TRIM50: variants seen among roughly 807,000 people sequenced by gnomAD.
TRIM50 encodes the protein tripartite motif containing 50, also known as E3 ubiquitin-protein ligase TRIM50.
A neutral mutation model predicts 44.9 loss-of-function variants in TRIM50; 34 were observed. The observed-to-expected ratio is 0.76, with a 90% CI of 0.58 to 1.01. The LOEUF (loss-of-function observed/expected upper bound fraction) is 1.01. Among genes scored for constraint, TRIM50 ranks in the 50% least tolerant of loss-of-function variants. The pLI is 0.00. For synonymous variants in TRIM50, 307 were observed against 291.1 expected, an observed-to-expected ratio of 1.05 and a Z score of -0.56; for missense variants, 633 against 663.7, an observed-to-expected ratio of 0.95 and a Z score of 0.51.
chr7:73,316,025 C>T (rs1173657553), intron 6 of TRIM50, among the ~76,000 whole-genome samples: 5 of 151,918 alleles, frequency 3.3e-5, no homozygotes, highest in Admixed American at 1.3e-4. Flanking sequence ...GGATTACAGG[C>T]GCACACTACC....
At chr7:73,319,193 C>T (rs1158105359) in intron 3 of TRIM50, 141 bp from the exon 4 acceptor site, 10 of 1,429,434 alleles carry the variant, frequency 7.0e-6, no homozygotes, top group East Asian at 5.0e-5. Flanking sequence ...GGCCTGGCGC[C>T]GGGCAGGGAG....
Position 73,324,531 on chromosome 7 carries a change from G to T in TRIM50, c.257C>A (p.Pro86His), listed in dbSNP as rs111638818. 3 of 1,613,914 alleles carry T rather than the reference G, an allele frequency of 1.9e-6. No homozygotes were observed. The highest frequency in any genetic ancestry group is 1.7e-6 in the Non-Finnish European group (2 of 1,179,994). ...GTTCCGGTGGTGCACGCAGACCTTG[G>T]GCTCCGGGTCCCCAGGGAGCCTCAG... ...EALRLPGDPE[P>H]KVCVHHRNPL... The change falls in exon 2 of 7, where the codon CCC becomes CAC. Residue 86 changes from proline to histidine, a missense_variant. Coordinates refer to ENST00000333149, the MANE Select transcript of TRIM50 (RefSeq NM_178125.3).
intron 1 of TRIM50, among the ~76,000 whole-genome samples, chr7:73,327,082 C>A (rs1322830607): frequency 6.6e-6 from 1 of 152,128 alleles, no homozygotes; most frequent in Admixed American, 6.6e-5. Context: ...TGAGCCACCG[C>A]GCCTGTCCTG....
chr7:73,321,081 C>A (rs1804484508), intron 2 of TRIM50, among the ~76,000 whole-genome samples: 2 of 151,846 alleles, frequency 1.3e-5, no homozygotes, highest in African/African-American at 4.8e-5. Flanking sequence ...CCTGTAATCC[C>A]AGCATTTTAG....
intron 2 of TRIM50, among the ~76,000 whole-genome samples, chr7:73,321,606 G>C (rs1301713922): frequency 6.6e-6 from 1 of 152,114 alleles, no homozygotes; most frequent in Non-Finnish European, 1.5e-5. Context: ...CCTAGCCTTG[G>C]GGGTGCCAAC....
chr7:73,323,727 C>G (rs1434406493), intron 2 of TRIM50, among the ~76,000 whole-genome samples: 1 of 152,146 alleles, frequency 6.6e-6, no homozygotes, highest in African/African-American at 2.4e-5. Context: ...CCATAGAGTG[C>G]AAACAGGGGA....
rs185340396 is a variant in TRIM50 at position 73,313,428 on chromosome 7, C to A, written c.957G>T (p.Gly319=). ...LSKGNTVVQC[G]LLAQRRASQP... The stretch of plus-strand genomic sequence containing the variant: ...GGCTGGCTCGCCGCTGGGCCAGAAG[C>A]CCGCACTGCACCACCGTGTTGCCCT... The change falls in exon 7 of 7, where the codon GGG becomes GGT. Residue 319 remains glycine, a synonymous_variant. Transcript: ENST00000333149. The surrounding 1 kb of genome is among the most constrained non-coding windows in gnomAD (Gnocchi z 4.9). The A allele has an allele frequency of 1.2e-4, 182 of 1,565,598 alleles. No homozygotes were observed. The African/African-American group carries it at 2.2e-3, about 19-fold the overall frequency.
At position 73,324,676 on chromosome 7, in the gene TRIM50, C is replaced by G. The variant is rs868911917; in HGVS notation, c.112G>C (p.Gly38Arg). The G allele has an allele frequency of 6.2e-7, 1 of 1,614,172 alleles. No individual in the cohort carries two copies. The highest frequency in any genetic ancestry group is 8.5e-7 in the Non-Finnish European group (1 of 1,180,016). ...TGGCAGGACAGGGAAACCAGGCAGC[C>G]CTTGCAGTAAGAGTGGCCACACTGC... is the stretch of plus-strand genomic sequence containing the variant. ...MLQCGHSYCK[G>R]CLVSLSCHLD... The change falls in exon 2 of 7, where the codon GGC becomes CGC. Residue 38 changes from glycine (G) to arginine (R), a missense_variant. Physicochemically the swap from Gly to Arg is moderately radical, Grantham distance 125 (BLOSUM62 -2). Coordinates refer to ENST00000333149, the MANE Select transcript of TRIM50 (RefSeq NM_178125.3).
rs1804576350 is a variant in TRIM50, at chr7:73,324,597, C to T, written c.191G>A (p.Ser64Asn). ...GGCCAGGGAGACGTTGGGCAGGGAG[C>T]TGCTGCCGTCCACCGCCTGCCGGCA... Reference protein sequence around the residue: ...PVCRQAVDGSSSLPNVSLARV... With the variant: ...PVCRQAVDGSNSLPNVSLARV... The change falls in exon 2 of 7, where the codon AGC becomes AAC. Residue 64 changes from serine (S) to asparagine (N), a missense_variant. Physicochemically the swap from Ser to Asn is conservative, Grantham distance 46. Transcript: ENST00000333149. 1.9e-6 allele frequency: 3 copies of T among 1,614,116 alleles called. No individual in the cohort carries two copies. The highest frequency in any genetic ancestry group is 2.5e-6 in the Non-Finnish European group (3 of 1,180,008).
chr7:73,326,385 G>A (rs562780923), intron 1 of TRIM50, among the ~76,000 whole-genome samples: 47 of 149,818 alleles, frequency 3.1e-4, no homozygotes, highest in African/African-American at 1.1e-3. Context: ...TTATAGGTGT[G>A]AGCCACCAAG....
intron 6 of TRIM50, chr7:73,314,485 T>C (rs7784181): frequency 0.19 from 74,875 of 387,318 alleles, 8,063 homozygotes; most frequent in African/African-American, 0.34. Context: ...GCAAAGGGGA[T>C]GTCCCCACTA....
At position 73,327,994 on chromosome 7, in the gene TRIM50, C is replaced by G. The variant is rs1411594186; in HGVS notation, c.-113G>C. 2 of 595,264 alleles carry G rather than the reference C, an allele frequency of 3.4e-6. No homozygotes were observed. The highest frequency in any genetic ancestry group is 3.7e-5 in the African/African-American group (2 of 53,812). 36.9% of individuals were successfully genotyped at this position (595,264 alleles called of 1,614,324 possible). On this transcript the variant is annotated 5_prime_UTR_variant, in exon 1 of 7. Transcript: ENST00000333149. ...CGCGAGCTCCAATTACGTGCCCCAC[C>G]TAACCCCCCACGTCCGTGCCTCATC...
Position 73,318,743 on chromosome 7 carries a change from A to G in TRIM50, c.727-34T>C, listed in dbSNP as rs1348912051. The G allele has an allele frequency of 1.9e-6, 3 of 1,613,946 alleles. No homozygotes were observed. In the East Asian group the frequency reaches 6.7e-5, roughly 36 times the overall value. ...CAAGAGAGAGGGAGGTTAAGGCTAG[A>G]AGGTGGGAAGCTAGGGCACTGTTGG... On this transcript the variant is annotated intron_variant, in intron 4 of 6. Coordinates refer to ENST00000333149, the MANE Select transcript of TRIM50 (RefSeq NM_178125.3).
chr7:73,312,961 C>T lies in TRIM50; in HGVS notation c.1424G>A (p.Gly475Glu). 6.5e-7 allele frequency: 1 copy of T among 1,550,066 alleles called. No individual in the cohort carries two copies. Among genetic ancestry groups the T allele is most frequent in the Non-Finnish European group, 8.7e-7 (1 of 1,146,568 alleles). Residue 475 changes from glycine (G) to glutamate (E), a missense_variant, in exon 7 of 7, where the codon GGG (glycine) becomes GAG (glutamate). Coordinates refer to ENST00000333149, the MANE Select transcript of TRIM50 (RefSeq NM_178125.3). ...CTGCTCGGGGCTGAGGGGGCCAGGC[C>T]CGCTGGGCGGGGGCAGCACCATGGG... ...SLPMVLPPPS[G>E]PGPLSPEQPT...
At position 73,324,799 on chromosome 7, in the gene TRIM50, G is replaced by C; in HGVS notation, c.-12C>G. On this transcript the variant is annotated 5_prime_UTR_variant, in exon 2 of 7. Coordinates refer to ENST00000333149, the MANE Select transcript of TRIM50 (RefSeq NM_178125.3). ...ACCTGCCAAGCCATCCACACTCACT[G>C]CCCGGGCTGAAACACAGGCATCCGA... 6.2e-7 allele frequency: 1 copy of C among 1,613,374 alleles called. No homozygotes were observed. The highest frequency in any genetic ancestry group is 1.7e-5 in the Admixed American group (1 of 60,006).
intron 2 of TRIM50, among the ~76,000 whole-genome samples, chr7:73,323,820 A>G (rs1172817652): frequency 6.6e-6 from 1 of 152,178 alleles, no homozygotes; most frequent in African/African-American, 2.4e-5. Flanking sequence ...CAGGAGGATC[A>G]TTGGAGGCCA....
At chr7:73,324,949 T>C (rs1398357770) in intron 1 of TRIM50, 144 bp from the exon 2 acceptor site, 38 of 1,403,176 alleles carry the variant, frequency 2.7e-5, no homozygotes, top group Non-Finnish European at 3.5e-5. Context: ...CACATGACCT[T>C]GGGCCCCAGT....
chr7:73,327,355 T>A (rs1804660089), intron 1 of TRIM50, among the ~76,000 whole-genome samples: 1 of 152,092 alleles, frequency 6.6e-6, no homozygotes, highest in South Asian at 2.1e-4. Flanking sequence ...GGCCTGGTGG[T>A]GCAGTTCTGT....
At chr7:73,320,019 T>A in intron 3 of TRIM50, 128 bp downstream of exon 3, 1 of 1,520,418 alleles carries the variant, frequency 6.6e-7, no homozygotes, top group Non-Finnish European at 9.1e-7. Context: ...CACCCCGCCC[T>A]GGGAATGCTT....
Sources: allele counts gnomAD v4.1 joint callset (sites outside exome capture counted in the v4.1 genomes callset), GRCh38; gene constraint gnomAD v4.1.1; non-coding constraint Gnocchi (gnomAD v3.1); transcripts MANE v1.5; gene names NCBI Gene and HGNC (gene_info 2026-07-23, HGNC 2026-07-21).